Variants in IL1RAPL2 observed in about 807,000 individuals in gnomAD.
IL1RAPL2 encodes X-linked interleukin-1 receptor accessory protein-like 2.
Under a neutral mutation model 44.1 loss-of-function variants are expected in IL1RAPL2, and 3 were observed. That is an observed-to-expected ratio of 0.07 (90% CI 0.03 to 0.18). IL1RAPL2 has a LOEUF of 0.18. Among genes scored for constraint, IL1RAPL2 ranks in the 10% least tolerant of loss-of-function variants. The pLI, the probability that IL1RAPL2 is intolerant of heterozygous loss-of-function variation, is 1.00. For missense variants in IL1RAPL2, 391 were observed against 496.4 expected, an observed-to-expected ratio of 0.79 and a Z score of 2.02; for synonymous variants, 181 against 178.8, an observed-to-expected ratio of 1.01 and a Z score of -0.10.
At chrX:105,270,561 G>A (rs1022920838) in intron 5 of IL1RAPL2, among the ~76,000 whole-genome samples, 2 of 111,998 alleles carry the variant, frequency 1.8e-5, no homozygotes, top group East Asian at 5.6e-4. Context: ...GTCAGTGGTC[G>A]TCATTCATAT....
intron 2 of IL1RAPL2, among the ~76,000 whole-genome samples, chrX:105,140,751 T>C (rs768908411): frequency 5.9e-4 from 66 of 112,546 alleles, no homozygotes; most frequent in African/African-American, 2.1e-3. Context: ...TAATGCAGGG[T>C]TGTAATATAA....
intron 2 of IL1RAPL2, among the ~76,000 whole-genome samples, chrX:105,032,340 TC>T (rs1165809433): frequency 9.2e-6 from 1 of 108,305 alleles, no homozygotes; most frequent in Non-Finnish European, 1.9e-5. Context: ...TTTGGATCTT[TC>T]CTGCTTTCTC....
intron 2 of IL1RAPL2, among the ~76,000 whole-genome samples, chrX:104,903,750 T>TGTATTTTTA (rs758527206): frequency 2.7e-5 from 3 of 109,968 alleles, no homozygotes; most frequent in Non-Finnish European, 5.7e-5. Context: ...GCTAATTTTT[T>TGTATTTTTA]GTATTTTTAG....
chrX:105,211,375 C>A (rs1021412737), intron 3 of IL1RAPL2, among the ~76,000 whole-genome samples: 2 of 111,411 alleles, frequency 1.8e-5, no homozygotes, highest in Admixed American at 9.5e-5. Context: ...GTGCTGGCAT[C>A]CTCTGTATGT....
At chrX:105,055,058 A>G (rs1404145010) in intron 2 of IL1RAPL2, among the ~76,000 whole-genome samples, 1 of 112,374 alleles carries the variant, frequency 8.9e-6, no homozygotes, top group Non-Finnish European at 1.9e-5. Context: ...AATTCTACAT[A>G]GTTGTCTTAG....
intron 1 of IL1RAPL2, among the ~76,000 whole-genome samples, chrX:104,602,823 C>A (rs1928913150): frequency 1.8e-5 from 2 of 111,671 alleles, no homozygotes; most frequent in South Asian, 7.7e-4. Flanking sequence ...GGCAGCAGCC[C>A]CAGTCAGGGA....
intron 1 of IL1RAPL2, among the ~76,000 whole-genome samples, chrX:104,627,063 C>T (rs929507982): frequency 5.5e-5 from 6 of 109,459 alleles, no homozygotes; most frequent in Admixed American, 2.0e-4. Flanking sequence ...ATGATCCGCC[C>T]GCCTCGGCCT....
At chrX:105,044,752 C>T (rs2031814673) in intron 2 of IL1RAPL2, among the ~76,000 whole-genome samples, 1 of 111,597 alleles carries the variant, frequency 9.0e-6, no homozygotes, top group Non-Finnish European at 1.9e-5. Context: ...TCCTCCACTC[C>T]TATTCTGATT....
intron 1 of IL1RAPL2, among the ~76,000 whole-genome samples, chrX:104,610,028 G>T (rs1445779822): frequency 1.8e-5 from 2 of 111,817 alleles, no homozygotes; most frequent in African/African-American, 6.5e-5. Flanking sequence ...CCTACGGATG[G>T]AGTTTTGTTG....
intron 2 of IL1RAPL2, among the ~76,000 whole-genome samples, chrX:105,060,585 C>CTTTTTTTTTT (rs1161187469): frequency 3.6e-4 from 25 of 70,127 alleles, no homozygotes; most frequent in African/African-American, 1.3e-3. Context: ...TTTTCTTTTT[C>CTTTTTTTTTT]TTTTTTTTTT....
chrX:105,767,062 G>A lies in IL1RAPL2; in HGVS notation c.1462G>A (p.Glu488Lys), dbSNP rs1011278032. The A allele has an allele frequency of 1.2e-5, 15 of 1,203,183 alleles. No homozygotes were observed. Among genetic ancestry groups the A allele is most frequent in the African/African-American group, 3.5e-5 (2 of 56,914 alleles). The change falls in exon 11 of 11, where the codon GAA becomes AAA. Residue 488 changes from glutamate to lysine, a missense_variant. Glu to Lys is a moderately conservative substitution (Grantham distance 56, BLOSUM62 1). Transcript: ENST00000372582. ...YILRRGWSIF[E>K]LESRLHNMLV... ...TCTCAGACGGGGATGGAGTATTTTC[G>A]AACTGGAAAGCAGACTCCATAACAT...
At chrX:104,910,524 C>A (rs1042811221) in intron 2 of IL1RAPL2, among the ~76,000 whole-genome samples, 1 of 111,874 alleles carries the variant, frequency 8.9e-6, no homozygotes, top group Non-Finnish European at 1.9e-5. Flanking sequence ...CCCTAGCCCC[C>A]TGTCCCCTGA....
At chrX:105,710,890 T>G (rs1053265275) in intron 6 of IL1RAPL2, among the ~76,000 whole-genome samples, 7 of 107,352 alleles carry the variant, frequency 6.5e-5, no homozygotes, top group African/African-American at 2.4e-4. Context: ...AAGGCCAGTG[T>G]GAGGAATGAT....
At chrX:105,228,655 A>G (rs1407888184) in intron 3 of IL1RAPL2, among the ~76,000 whole-genome samples, 1 of 112,537 alleles carries the variant, frequency 8.9e-6, no homozygotes, top group African/African-American at 3.2e-5. Context: ...ATGCAAATTA[A>G]CATTATTCCT....
chrX:105,032,402 G>A (rs751708477), intron 2 of IL1RAPL2, among the ~76,000 whole-genome samples: 90 of 108,723 alleles, frequency 8.3e-4, no homozygotes, highest in African/African-American at 2.4e-3. Flanking sequence ...CTTTGAATGT[G>A]TCCCAGAGAT....
chrX:105,566,503 C>T (rs1384726892), intron 6 of IL1RAPL2, among the ~76,000 whole-genome samples: 2 of 111,452 alleles, frequency 1.8e-5, no homozygotes, highest in Non-Finnish European at 3.8e-5. Context: ...GGCTGCCCTT[C>T]GTCTCTTACT....
chrX:105,197,414 A>G (rs1454961567), intron 3 of IL1RAPL2, among the ~76,000 whole-genome samples: 6 of 111,894 alleles, frequency 5.4e-5, no homozygotes, highest in East Asian at 2.8e-4. Flanking sequence ...TCACAAATTT[A>G]AAGTTTTATT....
intron 2 of IL1RAPL2, among the ~76,000 whole-genome samples, chrX:104,964,282 T>TGA (rs2030070862): frequency 9.2e-5 from 4 of 43,478 alleles, no homozygotes; most frequent in African/African-American, 2.7e-4. Flanking sequence ...TGCCAGGGAT[T>TGA]TATTTATTTA....
intron 5 of IL1RAPL2, among the ~76,000 whole-genome samples, chrX:105,289,633 T>C (rs1278397582): frequency 8.9e-6 from 1 of 111,765 alleles, no homozygotes; most frequent in African/African-American, 3.2e-5. Context: ...TTGGCCTGTA[T>C]AACTAGAAGT....
Sources: allele counts gnomAD v4.1 joint callset (sites outside exome capture counted in the v4.1 genomes callset), GRCh38; gene constraint gnomAD v4.1.1; transcripts MANE v1.5; gene names NCBI Gene and HGNC (gene_info 2026-07-23, HGNC 2026-07-21).